The following STK33 variants were observed in gnomAD, a reference collection of about 807,000 sequenced individuals.
STK33 encodes serine/threonine kinase 33, also known as serine/threonine-protein kinase 33.
In STK33, 52 loss-of-function variants were observed where a neutral mutation model predicts 58.0. The observed-to-expected ratio is 0.90, with a 90% CI of 0.72 to 1.13. STK33 has a LOEUF of 1.13. STK33 is among the 50% of genes most tolerant of loss of function. The probability of loss-of-function intolerance (pLI) is 0.00; values close to 1 mark genes in which losing one functional copy is unlikely to be tolerated. For missense variants in STK33, 630 were observed against 604.2 expected (o/e 1.04, Z -0.45); for synonymous variants, 215 against 200.1 (o/e 1.07, Z -0.63).
At chr11:8,340,318 G>A in the STK33 span, among the ~76,000 whole-genome samples, 2 of 152,144 alleles carry the variant, frequency 1.3e-5, no homozygotes, top group Non-Finnish European at 2.9e-5. Context: ...TAAGGTCCTT[G>A]GGAGACCTTG....
chr11:8,553,217 ATATATATG>A, intron 1 of STK33, among the ~76,000 whole-genome samples: 3 of 110,228 alleles, frequency 2.7e-5, no homozygotes, highest in African/African-American at 1.1e-4. Context: ...ATATATATAT[ATATATATG>A]GTGTGTATAT....
chr11:8,392,614 T>A lies in STK33; in HGVS notation c.1441A>T (p.Ile481Phe). The change falls in exon 16 of 16, where the codon ATC becomes TTC. Residue 481 changes from isoleucine to phenylalanine, a missense_variant. Coordinates refer to ENST00000687296, the MANE Select transcript of STK33 (RefSeq NM_001352389.2). ...FTSSKLLPAE[I>F]KGEMEKTPVT... Reference sequence around the variant, plus strand: ...GGGGTTTTCTCCATTTCTCCCTTGATTTCAGCTGGAAGGAGTTTGCTAGAT... The same window carrying A: ...GGGGTTTTCTCCATTTCTCCCTTGAATTCAGCTGGAAGGAGTTTGCTAGAT... 6.2e-7 allele frequency: 1 copy of A among 1,614,244 alleles called. No homozygotes were observed.
At chr11:8,411,844 T>A (rs1940300753) in intron 15 of STK33, among the ~76,000 whole-genome samples, 1 of 152,222 alleles carries the variant, frequency 6.6e-6, no homozygotes, top group African/African-American at 2.4e-5. Context: ...TCTTGAAATG[T>A]CAACCCACTG....
At chr11:8,491,300 C>G in intron 1 of STK33, among the ~76,000 whole-genome samples, 1 of 152,166 alleles carries the variant, frequency 6.6e-6, no homozygotes. Flanking sequence ...GATGCATGTA[C>G]AAGCTTCAGT....
At chr11:8,405,276 C>A (rs930034785) in intron 15 of STK33, among the ~76,000 whole-genome samples, 1 of 152,168 alleles carries the variant, frequency 6.6e-6, no homozygotes. Flanking sequence ...TTTGGCCGTT[C>A]TAGAAAGTAT....
intron 14 of STK33, among the ~76,000 whole-genome samples, chr11:8,429,726 C>T (rs115998779): frequency 8.2e-4 from 125 of 152,260 alleles, no homozygotes; most frequent in African/African-American, 2.9e-3. Flanking sequence ...CTGATAGAGT[C>T]TCAAACACTT....
intron 8 of STK33, among the ~76,000 whole-genome samples, chr11:8,459,905 G>C (rs558068723): frequency 8.7e-4 from 133 of 152,314 alleles, no homozygotes; most frequent in Middle Eastern, 6.8e-3. Context: ...AAAGGGCAGA[G>C]GGAACAATCA....
chr11:8,367,760 G>C, the STK33 span, among the ~76,000 whole-genome samples: 1 of 152,134 alleles, frequency 6.6e-6, no homozygotes, highest in East Asian at 1.9e-4. Context: ...TTGCCCAAAG[G>C]CACATGAGGC....
intron 1 of STK33, among the ~76,000 whole-genome samples, chr11:8,543,392 T>C (rs1955672731): frequency 6.6e-6 from 1 of 152,202 alleles, no homozygotes; most frequent in Admixed American, 6.5e-5. Context: ...ACCAAATAAG[T>C]AAAATTTAAA....
intron 2 of STK33, among the ~76,000 whole-genome samples, chr11:8,479,937 A>AT (rs1179977889): frequency 2.0e-5 from 3 of 152,168 alleles, no homozygotes; most frequent in Non-Finnish European, 4.4e-5. Flanking sequence ...CTCAATGAAA[A>AT]TTTTTGAGTG....
intron 6 of STK33, chr11:8,466,036 TG>T (rs1229096837): frequency 6.6e-6 from 1 of 152,050 alleles, no homozygotes; most frequent in Non-Finnish European, 1.5e-5. Flanking sequence ...TAGAACAACA[TG>T]GAAAAGACCC....
At chr11:8,556,327 G>A (rs1449577003) in intron 1 of STK33, among the ~76,000 whole-genome samples, 1 of 152,190 alleles carries the variant, frequency 6.6e-6, no homozygotes, top group Non-Finnish European at 1.5e-5. Context: ...AAATGCAGAT[G>A]ATATAGCACA....
intron 1 of STK33, among the ~76,000 whole-genome samples, chr11:8,588,665 T>C (rs61875895): frequency 0.022 from 3,399 of 152,246 alleles, 57 homozygotes; most frequent in Non-Finnish European, 0.036. Context: ...AAAAAATATA[T>C]TGAACTTCAT....
chr11:8,471,780 T>C (rs1454381284), intron 6 of STK33, among the ~76,000 whole-genome samples: 1 of 152,112 alleles, frequency 6.6e-6, no homozygotes, highest in African/African-American at 2.4e-5. Context: ...AACTAGTACA[T>C]GCATAGAAAA....
intron 1 of STK33, among the ~76,000 whole-genome samples, chr11:8,565,273 T>G (rs1957372892): frequency 6.6e-6 from 1 of 152,198 alleles, no homozygotes; most frequent in Admixed American, 6.5e-5. Flanking sequence ...TTAAAAAACT[T>G]CACATTTTTA....
At chr11:8,526,061 GC>G (rs1953992689) in intron 1 of STK33, among the ~76,000 whole-genome samples, 1 of 152,060 alleles carries the variant, frequency 6.6e-6, no homozygotes, top group Non-Finnish European at 1.5e-5. Flanking sequence ...GCAAATGTTG[GC>G]AAAGAAGCAG....
intron 1 of STK33, among the ~76,000 whole-genome samples, chr11:8,500,436 T>C (rs775284614): frequency 2.0e-5 from 3 of 151,980 alleles, no homozygotes; most frequent in Non-Finnish European, 4.4e-5. Flanking sequence ...ACATTCACAA[T>C]GAACAATCTG....
At chr11:8,347,637 T>C in the STK33 span, among the ~76,000 whole-genome samples, 2 of 152,318 alleles carry the variant, frequency 1.3e-5, no homozygotes, top group East Asian at 3.9e-4. Context: ...GCACAAGCCA[T>C]TTCTTATCAC....
chr11:8,411,234 G>A (rs1940186567), intron 15 of STK33, among the ~76,000 whole-genome samples: 3 of 152,192 alleles, frequency 2.0e-5, no homozygotes, highest in African/African-American at 4.8e-5. Context: ...ATATACATGA[G>A]AGAACATTAC....
Sources: allele counts gnomAD v4.1 joint callset (sites outside exome capture counted in the v4.1 genomes callset), GRCh38; gene constraint gnomAD v4.1.1; transcripts MANE v1.5; gene names NCBI Gene and HGNC (gene_info 2026-07-23, HGNC 2026-07-21).